ANAPC7: variants seen among roughly 807,000 people sequenced by gnomAD.
ANAPC7 encodes the protein anaphase promoting complex subunit 7.
In ANAPC7, 25 loss-of-function variants were observed where a neutral mutation model predicts 63.3. The observed-to-expected ratio is 0.39, with a 90% CI of 0.29 to 0.55. The LOEUF is 0.55. ANAPC7 is among the 20% of genes least tolerant of loss of function. The probability of loss-of-function intolerance (pLI) is 0.57; values close to 1 mark genes in which losing one functional copy is unlikely to be tolerated. For missense variants in ANAPC7, 516 were observed against 691.7 expected, an observed-to-expected ratio of 0.75 and a Z score of 2.85; for synonymous variants, 241 against 251.7, an observed-to-expected ratio of 0.96 and a Z score of 0.40.
intron 6 of ANAPC7, among the ~76,000 whole-genome samples, chr12:110,383,442 G>T (rs1882128249): frequency 6.6e-6 from 1 of 150,828 alleles, no homozygotes; most frequent in African/African-American, 2.4e-5. Flanking sequence ...CTCAAAAAAA[G>T]AAAATGCAAA....
intron 1 of ANAPC7, among the ~76,000 whole-genome samples, chr12:110,398,676 G>A (rs982527205): frequency 2.0e-5 from 3 of 152,144 alleles, no homozygotes; most frequent in Admixed American, 6.5e-5. Flanking sequence ...ACAGCAGGCC[G>A]GGGCATGGTG....
intron 7 of ANAPC7, among the ~76,000 whole-genome samples, chr12:110,382,459 A>ATATATATATATATATAT (rs1229764014): frequency 1.9e-5 from 1 of 51,962 alleles, no homozygotes; most frequent in Non-Finnish European, 3.6e-5. Flanking sequence ...AAAAAAAAAA[A>ATATATATATATATATAT]AAATATATAT....
chr12:110,395,053 G>A (rs761763728), intron 3 of ANAPC7, 48 bp downstream of exon 3: 1 of 1,577,936 alleles, frequency 6.3e-7, no homozygotes. Context: ...GAGAGAGGGA[G>A]CAGGGTTAGG....
At chr12:110,387,318 A>AGAGAGAGG (rs1491548233) in intron 5 of ANAPC7, 7 of 116,492 alleles carry the variant, frequency 6.0e-5, no homozygotes, top group Non-Finnish European at 1.3e-4. Context: ...AGACAGAGAG[A>AGAGAGAGG]CAGAGAGAGA....
intron 3 of ANAPC7, among the ~76,000 whole-genome samples, chr12:110,394,006 A>C (rs1287591403): frequency 6.8e-6 from 1 of 148,114 alleles, no homozygotes; most frequent in Non-Finnish European, 1.5e-5. Context: ...CACCATCTCT[A>C]CTAAAAATAC....
In ANAPC7 at chr12:110,395,426, C is replaced by T. The variant is rs1883488303; in HGVS notation, c.289-206G>A. Among the ~76,000 whole-genome samples the T allele has an allele frequency of 2.0e-5, 3 of 151,934 alleles. No individual in the cohort carries two copies. In the South Asian group the frequency reaches 6.2e-4, roughly 32 times the overall value. On this transcript the variant is annotated intron_variant, in intron 2 of 10. Coordinates refer to ENST00000455511, the MANE Select transcript of ANAPC7 (RefSeq NM_016238.3). The stretch of plus-strand genomic sequence containing the variant: ...GACTCCTAGTCTCAAGCGATCCTCC[C>T]ACCTTGGCCTTCTGAGTACTACAGG...
chr12:110,379,700 T>C (rs1209887359), intron 8 of ANAPC7, among the ~76,000 whole-genome samples: 1 of 152,224 alleles, frequency 6.6e-6, no homozygotes, highest in Non-Finnish European at 1.5e-5. Flanking sequence ...ATCCAAATTT[T>C]ATTTCTCAAA....
chr12:110,385,966 T>C (rs1358082948), intron 6 of ANAPC7, among the ~76,000 whole-genome samples: 1 of 152,144 alleles, frequency 6.6e-6, no homozygotes, highest in African/African-American at 2.4e-5. Flanking sequence ...ACTAAGGACA[T>C]GGCAAAACAA....
At chr12:110,375,107 A>C (rs1012927979) in intron 10 of ANAPC7, among the ~76,000 whole-genome samples, 1 of 152,162 alleles carries the variant, frequency 6.6e-6, no homozygotes, top group Non-Finnish European at 1.5e-5. Context: ...GCTAAAACCC[A>C]TGTTGGCACC....
intron 5 of ANAPC7, 180 bp from the exon 6 acceptor site, chr12:110,386,649 C>T: frequency 1.8e-6 from 1 of 559,790 alleles, no homozygotes; most frequent in South Asian, 2.5e-5. Context: ...ATAGCAAAAA[C>T]AAAGAATAAA....
chr12:110,389,381 G>A (rs1460398204), intron 3 of ANAPC7, among the ~76,000 whole-genome samples: 2 of 152,012 alleles, frequency 1.3e-5, no homozygotes, highest in Non-Finnish European at 1.5e-5. Flanking sequence ...ATAAGGAAAT[G>A]ATACAGAAAG....
At chr12:110,393,671 C>G (rs1883296814) in intron 3 of ANAPC7, among the ~76,000 whole-genome samples, 1 of 151,950 alleles carries the variant, frequency 6.6e-6, no homozygotes, top group Admixed American at 6.6e-5. Flanking sequence ...AGTTCAAGAC[C>G]AGCCTGACCA....
At chr12:110,391,411 G>C (rs374781177) in intron 3 of ANAPC7, among the ~76,000 whole-genome samples, 1 of 152,218 alleles carries the variant, frequency 6.6e-6, no homozygotes, top group Admixed American at 6.5e-5. Flanking sequence ...AATATGTGGC[G>C]ATGTTTACCA....
chr12:110,388,459 C>T, intron 4 of ANAPC7, 53 bp downstream of exon 4: 1 of 1,381,160 alleles, frequency 7.2e-7, no homozygotes. Context: ...AGATTGAGAA[C>T]TACTATCTTT....
At chr12:110,399,939 C>T (rs927737267) in intron 1 of ANAPC7, among the ~76,000 whole-genome samples, 13 of 151,770 alleles carry the variant, frequency 8.6e-5, no homozygotes, top group Non-Finnish European at 1.5e-4. Context: ...ACTAAAAATA[C>T]GAAAATTAGC....
chr12:110,381,891 G>A lies in ANAPC7; in HGVS notation c.993C>T (p.Ala331=). 1 of 1,610,034 alleles carries A rather than the reference G, an allele frequency of 6.2e-7. No homozygotes were observed. Among genetic ancestry groups the A allele is most frequent in the South Asian group, 1.1e-5 (1 of 90,912 alleles). The change falls in exon 8 of 11, where the codon GCC becomes GCT. Residue 331 remains alanine (A), a synonymous_variant. Coordinates refer to ENST00000455511, the MANE Select transcript of ANAPC7 (RefSeq NM_016238.3). ...GAACACTATTACTGTTCAGCTGAAT[G>A]GCCTTGGCTCCTAAATAGAGGGCCC... is the stretch of plus-strand genomic sequence containing the variant. ...YSRALYLGAK[A]IQLNSNSVQA...
chr12:110,392,589 C>T (rs1017200440), intron 3 of ANAPC7, among the ~76,000 whole-genome samples: 2 of 152,060 alleles, frequency 1.3e-5, no homozygotes, highest in African/African-American at 4.8e-5. Flanking sequence ...GGAGACATGA[C>T]AGTATTATTA....
chr12:110,388,417 A>G (rs947113482), intron 4 of ANAPC7, 95 bp downstream of exon 4: 1 of 922,346 alleles, frequency 1.1e-6, no homozygotes, highest in Non-Finnish European at 1.7e-6. Context: ...GGGAACTTTT[A>G]AAAAAAATAA....
intron 1 of ANAPC7, among the ~76,000 whole-genome samples, chr12:110,400,067 G>T (rs902358584): frequency 7.9e-5 from 12 of 151,974 alleles, no homozygotes; most frequent in African/African-American, 2.9e-4. Flanking sequence ...CTCCAGCCCT[G>T]GCGACAGAGT....
Sources: gnomAD v4.1 joint callset for allele counts (sites outside exome capture counted in the v4.1 genomes callset) on GRCh38, gnomAD v4.1.1 for gene constraint, MANE v1.5 for transcripts, NCBI Gene and HGNC (gene_info 2026-07-23, HGNC 2026-07-21) for gene names.